The following RAD50 variants were observed in gnomAD, a reference collection of about 807,000 sequenced individuals.
RAD50 encodes RAD50 double strand break repair protein, also known as DNA repair protein RAD50.
Under a neutral mutation model 168.8 loss-of-function variants are expected in RAD50, and 132 were observed. The ratio of observed to expected loss-of-function variants is 0.78; its 90% CI spans 0.68 to 0.90. The LOEUF (loss-of-function observed/expected upper bound fraction) is 0.90, where lower values mean the gene tolerates loss of function less well. RAD50 is among the 40% of genes least tolerant of loss of function. RAD50 has a pLI of 0.00. For synonymous variants in RAD50, 525 were observed against 497.4 expected (o/e 1.06, Z -0.74); for missense variants, 1,347 against 1,534.4 (o/e 0.88, Z 2.04).
At chr5:132,566,721 T>A (rs1001266789) in intron 2 of RAD50, among the ~76,000 whole-genome samples, 1 of 152,240 alleles carries the variant, frequency 6.6e-6, no homozygotes, top group Middle Eastern at 3.2e-3. Context: ...TCACCTTAAA[T>A]CCAAAAGCCT....
intron 20 of RAD50, among the ~76,000 whole-genome samples, chr5:132,616,804 C>T (rs1366024604): frequency 1.3e-5 from 2 of 152,164 alleles, no homozygotes; most frequent in African/African-American, 4.8e-5. Flanking sequence ...AAATCCAGGC[C>T]TCTCATTTAT....
At position 132,625,377 on chromosome 5, in the gene RAD50, C is replaced by T. The variant is rs546631306; in HGVS notation, c.3389+7083C>T. Among the ~76,000 whole-genome samples, 143 of 152,230 alleles carry T rather than the reference C, an allele frequency of 9.4e-4. 1 individual carries two copies. Among genetic ancestry groups the T allele is most frequent in the Non-Finnish European group, 1.7e-3 (113 of 68,002 alleles). On this transcript the variant is annotated intron_variant, in intron 21 of 24. Coordinates refer to ENST00000378823, the MANE Select transcript of RAD50 (RefSeq NM_005732.4). ...CTGGGATTACAGGCGTGAGCCACCG[C>T]GCCCGGCCGAATTCTTTTTTTTAAA...
Position 132,638,214 on chromosome 5 carries a change from T to G in RAD50, c.3609T>G (p.Ala1203=), listed in dbSNP as rs766082130. 3.7e-6 allele frequency: 6 copies of G among 1,614,058 alleles called. No individual in the cohort carries two copies. The African/African-American group carries it at 5.3e-5, about 14-fold the overall frequency. ...TALDMRGRCS[A]GQKVLASLII... is the part of the protein sequence containing the mutation. Reference sequence around the variant, plus strand: ...TGGATATGCGAGGACGATGCAGTGCTGGACAAAAGGCAGGTATCTCAAAAG... The same window carrying G: ...TGGATATGCGAGGACGATGCAGTGCGGGACAAAAGGCAGGTATCTCAAAAG... The change falls in exon 23 of 25, where the codon GCT becomes GCG. Residue 1203 remains alanine (A), a synonymous_variant. Transcript: ENST00000378823.
At position 132,644,278 on chromosome 5, in the gene RAD50, G is replaced by C. The variant is rs767465255; in HGVS notation, c.*1914G>C. The stretch of plus-strand genomic sequence containing the variant: ...TTCATTCCAAGAAGCCCATGGGTTT[G>C]GAGGTGGGATAGGTGCCTTTCTGGC... On this transcript the variant is annotated 3_prime_UTR_variant, in exon 25 of 25. Coordinates refer to ENST00000378823, the MANE Select transcript of RAD50 (RefSeq NM_005732.4). 11 of 173,274 alleles carry C rather than the reference G, an allele frequency of 6.3e-5. No homozygotes were observed. The highest frequency in any genetic ancestry group is 1.2e-4 in the Non-Finnish European group (10 of 80,170). The allele number at this position is 173,274 out of a possible 1,614,324, so 10.7% of individuals were successfully genotyped here. A position where few individuals can be genotyped will look rare whatever the true frequency, so the allele number is the denominator to read the frequency against.
intron 21 of RAD50, among the ~76,000 whole-genome samples, chr5:132,619,832 C>A (rs866727223): frequency 0.012 from 1,407 of 116,254 alleles, 9 homozygotes; most frequent in Admixed American, 0.018. Context: ...CTCTCTCTCT[C>A]TCTCTATATA....
chr5:132,630,152 T>C (rs1447920947), intron 21 of RAD50, among the ~76,000 whole-genome samples: 4 of 151,862 alleles, frequency 2.6e-5, no homozygotes, highest in African/African-American at 9.7e-5. Flanking sequence ...AAGCAATTCT[T>C]CTGCCTCGGC....
At position 132,643,968 on chromosome 5, in the gene RAD50, G is replaced by T. The variant is rs1235108450; in HGVS notation, c.*1604G>T. ...CTAGCTTTAGCAAACTCACAGTTTT[G>T]CAAATAATATTTTCTTAATGTTATC... On this transcript the variant is annotated 3_prime_UTR_variant, in exon 25 of 25. Coordinates refer to ENST00000378823, the MANE Select transcript of RAD50 (RefSeq NM_005732.4). 4.4e-6 allele frequency: 1 copy of T among 227,698 alleles called. No individual in the cohort carries two copies. The highest frequency in any genetic ancestry group is 8.7e-6 in the Non-Finnish European group (1 of 114,720). 14.1% of individuals were successfully genotyped at this position (227,698 alleles called of 1,614,324 possible).
intron 13 of RAD50, among the ~76,000 whole-genome samples, chr5:132,600,440 A>G (rs1301714931): frequency 6.6e-6 from 1 of 152,226 alleles, no homozygotes; most frequent in East Asian, 1.9e-4. Context: ...CCTGAAGGCC[A>G]AAGGGAAAAG....
At chr5:132,615,968 T>C in intron 19 of RAD50, 35 bp from the exon 20 acceptor site, 1 of 1,545,254 alleles carries the variant, frequency 6.5e-7, no homozygotes, top group East Asian at 2.3e-5. Flanking sequence ...AGTAACTTGG[T>C]TATTTTTGTT....
Position 132,618,184 on chromosome 5 carries a change from A to G in RAD50, c.3279A>G (p.Arg1093=). 2 of 1,614,022 alleles carry G rather than the reference A, an allele frequency of 1.2e-6. No homozygotes were observed. The highest frequency in any genetic ancestry group is 1.7e-6 in the Non-Finnish European group (2 of 1,179,970). Residue 1093 remains arginine (R), a synonymous_variant, in exon 21 of 25, where the codon CGA becomes CGG. Transcript: ENST00000378823. ...EEIIHFKKEL[R]EPQFRDAEEK... ...TTATTCATTTTAAGAAAGAACTTCGAGAACCACAATTTCGGGATGCTGAGG... is the reference window on the plus strand; with the variant it reads ...TTATTCATTTTAAGAAAGAACTTCGGGAACCACAATTTCGGGATGCTGAGG...
At chr5:132,598,970 C>T (rs1390696094) in intron 13 of RAD50, among the ~76,000 whole-genome samples, 1 of 152,092 alleles carries the variant, frequency 6.6e-6, no homozygotes, top group Non-Finnish European at 1.5e-5. Flanking sequence ...ATCTGCCTAA[C>T]CCTATATCTG....
At chr5:132,595,323 T>C in intron 12 of RAD50, 1 of 527,408 alleles carries the variant, frequency 1.9e-6, no homozygotes. Flanking sequence ...GCCTGGCACA[T>C]AGAAAGCTCT....
At chr5:132,605,650 G>A (rs993588589) in intron 16 of RAD50, among the ~76,000 whole-genome samples, 1 of 152,126 alleles carries the variant, frequency 6.6e-6, no homozygotes. Context: ...TCTTTAATAT[G>A]AAATGCTCTT....
intron 5 of RAD50, among the ~76,000 whole-genome samples, chr5:132,584,766 T>TA (rs896674551): frequency 5.9e-5 from 9 of 151,984 alleles, no homozygotes; most frequent in African/African-American, 1.2e-4. Flanking sequence ...TATGCAGCCA[T>TA]AAAAAATGAT....
chr5:132,639,353 C>CAAAAAAAA (rs980327824), intron 23 of RAD50, among the ~76,000 whole-genome samples: 1 of 82,666 alleles, frequency 1.2e-5, no homozygotes, highest in African/African-American at 4.2e-5. Context: ...AACTCCGTCT[C>CAAAAAAAA]AAAAAAAAAA....
chr5:132,609,265 GA>G lies in RAD50; in HGVS notation c.2923-16del. The G allele has an allele frequency of 6.2e-7, 1 of 1,607,392 alleles. No homozygotes were observed. The highest frequency in any genetic ancestry group is 8.5e-7 in the Non-Finnish European group (1 of 1,178,560). The stretch of plus-strand genomic sequence containing the variant: ...TTGTATTTTTATTCATGTGCTTAAA[GA>G]ATTTTCTTTTTTGTAGCAAAAAGAA... On this transcript the variant is annotated splice_polypyrimidine_tract_variant and intron_variant, in intron 18 of 24. Coordinates refer to ENST00000378823, the MANE Select transcript of RAD50 (RefSeq NM_005732.4).
chr5:132,592,180 A>T, intron 11 of RAD50, 146 bp downstream of exon 11: 1 of 844,382 alleles, frequency 1.2e-6, no homozygotes, highest in South Asian at 1.7e-5. Flanking sequence ...CAGAAAGTTC[A>T]TGGAAAAATG....
chr5:132,618,391 T>G (rs552909691), intron 21 of RAD50, 97 bp downstream of exon 21: 4 of 1,529,406 alleles, frequency 2.6e-6, no homozygotes, highest in Non-Finnish European at 3.5e-6. Flanking sequence ...TCTTTTTTAT[T>G]TTTTGAGACA....
At chr5:132,604,322 A>G (rs1205993037) in intron 15 of RAD50, among the ~76,000 whole-genome samples, 3 of 150,046 alleles carry the variant, frequency 2.0e-5, no homozygotes, top group Middle Eastern at 3.2e-3. Flanking sequence ...CTGGAGTGCA[A>G]TGGTGCAATC....
Sources: allele counts gnomAD v4.1 joint callset (sites outside exome capture counted in the v4.1 genomes callset), GRCh38; gene constraint gnomAD v4.1.1; transcripts MANE v1.5; gene names NCBI Gene and HGNC (gene_info 2026-07-23, HGNC 2026-07-21).